The following TMED8 variants were observed in gnomAD, a reference collection of about 807,000 sequenced individuals.
The protein encoded by TMED8 is transmembrane p24 trafficking protein family member 8.
A neutral mutation model predicts 32.7 loss-of-function variants in TMED8; 15 were observed. The ratio of observed to expected loss-of-function variants is 0.46; its 90% confidence interval spans 0.31 to 0.71. The LOEUF (loss-of-function observed/expected upper bound fraction) is 0.71, where lower values mean the gene tolerates loss of function less well. Ranked by LOEUF, TMED8 falls within the 30% of genes least tolerant of loss-of-function variation. TMED8 has a pLI of 0.06. For synonymous variants in TMED8, 147 were observed against 161.4 expected, an observed-to-expected ratio of 0.91 and a Z score of 0.68; for missense variants, 390 against 423.9, an observed-to-expected ratio of 0.92 and a Z score of 0.70.
rs1594834012 is a variant in TMED8 at position 77,336,085 on chromosome 14, C to T, written c.*5686G>A. The T allele has an allele frequency of 6.6e-6, 1 of 152,208 alleles. No homozygotes were observed. Among genetic ancestry groups the T allele is most frequent in the East Asian group, 1.9e-4 (1 of 5,182 alleles). 9.4% of individuals were successfully genotyped at this position (152,208 alleles called of 1,614,324 possible). ...TGAATTAAGGGCTCTTTGGTAATAT[C>T]ATATACTATAATATTTCAAACCAAA... On this transcript the variant is annotated 3_prime_UTR_variant, in exon 6 of 6. Coordinates refer to ENST00000216468, the MANE Select transcript of TMED8 (RefSeq NM_213601.3).
intron 1 of TMED8, among the ~76,000 whole-genome samples, chr14:77,370,263 C>T (rs892995849): frequency 6.6e-6 from 1 of 152,064 alleles, no homozygotes; most frequent in Non-Finnish European, 1.5e-5. Context: ...TTTGGCTTAT[C>T]CTGTCCTTTG....
chr14:77,346,760 GTTTTTTT>G, intron 2 of TMED8, among the ~76,000 whole-genome samples: 14 of 69,458 alleles, frequency 2.0e-4, no homozygotes, highest in East Asian at 2.0e-3. Context: ...TGCTGGTCTG[GTTTTTTT>G]TTTTTTTTTT....
chr14:77,341,467 T>TA lies in TMED8; in HGVS notation c.*303dup, dbSNP rs112514176. On this transcript the variant is annotated 3_prime_UTR_variant, in exon 6 of 6. Coordinates refer to ENST00000216468, the MANE Select transcript of TMED8 (RefSeq NM_213601.3). ...ACCTGTGCCAAGATGAATCTATTTTTAAAAAACATCGCCCTGCTTCCTTTT... is the reference window on the plus strand; with the variant it reads ...ACCTGTGCCAAGATGAATCTATTTTTAAAAAAACATCGCCCTGCTTCCTTTT... 2,945 of 387,010 alleles carry TA rather than the reference T, an allele frequency of 7.6e-3. 69 individuals are homozygous for TA. Among genetic ancestry groups the TA allele is most frequent in the African/African-American group, 0.056 (2,741 of 48,914 alleles). The allele number at this position is 387,010 out of a possible 1,614,324, so 24.0% of individuals were successfully genotyped here. A position where few individuals can be genotyped will look rare whatever the true frequency, so the allele number is the denominator to read the frequency against.
chr14:77,366,426 T>C (rs1008983054), intron 1 of TMED8, among the ~76,000 whole-genome samples: 21 of 152,232 alleles, frequency 1.4e-4, no homozygotes, highest in Non-Finnish European at 8.8e-5. Context: ...ATTCATCTAG[T>C]GGCAGCCAAA....
Position 77,376,981 on chromosome 14 carries a change from C to T in TMED8, c.73G>A (p.Val25Ile). The T allele has an allele frequency of 6.9e-7, 1 of 1,449,052 alleles. No homozygotes were observed. Among genetic ancestry groups the T allele is most frequent in the Admixed American group, 2.7e-5 (1 of 36,524 alleles). The allele number at this position is 1,449,052 out of a possible 1,614,324, so 89.8% of individuals were successfully genotyped here. The change falls in exon 1 of 6, where the codon GTC becomes ATC. Residue 25 changes from valine (V) to isoleucine (I), a missense_variant. Physicochemically the swap from Val to Ile is conservative, Grantham distance 29 (BLOSUM62 3). Transcript: ENST00000216468. The surrounding 1 kb of genome is among the most constrained non-coding windows in gnomAD (Gnocchi z 4.0). ...CCCTCCACTCCCTGGCAGTCCCCGA[C>T]GCCGCCAGCCGACCCTGGGCGGGCT... ...PTARPGSAGG[V>I]GDCQGVEGSQ...
intron 2 of TMED8, among the ~76,000 whole-genome samples, chr14:77,346,984 TTATTAAC>T (rs1321505778): frequency 1.3e-5 from 2 of 152,078 alleles, no homozygotes; most frequent in African/African-American, 2.4e-5. Flanking sequence ...GTATACATTG[TTATTAAC>T]TATTGTCACC....
At chr14:77,347,735 A>G (rs542418568) in intron 2 of TMED8, among the ~76,000 whole-genome samples, 1 of 152,202 alleles carries the variant, frequency 6.6e-6, no homozygotes, top group Non-Finnish European at 1.5e-5. Context: ...ATGCAAGGGA[A>G]TGATTTATGC....
intron 1 of TMED8, among the ~76,000 whole-genome samples, chr14:77,370,171 CAAAAAAAA>C (rs5809828): frequency 4.4e-5 from 6 of 137,926 alleles, no homozygotes; most frequent in South Asian, 2.4e-4. Context: ...GACTCCGTTT[CAAAAAAAA>C]AAAAAAAAAA....
chr14:77,374,580 A>G (rs1237266201), intron 1 of TMED8, among the ~76,000 whole-genome samples: 1 of 152,230 alleles, frequency 6.6e-6, no homozygotes, highest in Admixed American at 6.5e-5. Flanking sequence ...CCCAAGGAAC[A>G]TTCTTGGTTA....
intron 2 of TMED8, among the ~76,000 whole-genome samples, chr14:77,348,153 G>T (rs1471199824): frequency 2.0e-5 from 3 of 151,874 alleles, no homozygotes; most frequent in Non-Finnish European, 4.4e-5. Flanking sequence ...GTAAAAACAT[G>T]TTTTATATAT....
intron 1 of TMED8, among the ~76,000 whole-genome samples, chr14:77,364,341 C>T (rs1442749568): frequency 6.6e-6 from 1 of 152,158 alleles, no homozygotes; most frequent in East Asian, 1.9e-4. Flanking sequence ...GCCTTAACCT[C>T]TCGAGTAGCT....
intron 1 of TMED8, among the ~76,000 whole-genome samples, chr14:77,361,122 G>A (rs1052823198): frequency 6.6e-6 from 1 of 151,934 alleles, no homozygotes; most frequent in African/African-American, 2.4e-5. Flanking sequence ...TGGGATTACA[G>A]GTGCATGCCA....
At chr14:77,365,396 G>A (rs1262499099) in intron 1 of TMED8, among the ~76,000 whole-genome samples, 4 of 152,172 alleles carry the variant, frequency 2.6e-5, no homozygotes, top group Non-Finnish European at 5.9e-5. Context: ...TGCACTAGAT[G>A]TCACAGATAC....
At chr14:77,365,985 A>G (rs867638106) in intron 1 of TMED8, among the ~76,000 whole-genome samples, 1 of 152,362 alleles carries the variant, frequency 6.6e-6, no homozygotes, top group South Asian at 2.1e-4. Flanking sequence ...ATAATTAGAT[A>G]GTCAAATGTG....
At chr14:77,357,899 G>A (rs1893328015) in intron 1 of TMED8, among the ~76,000 whole-genome samples, 1 of 152,058 alleles carries the variant, frequency 6.6e-6, no homozygotes, top group Non-Finnish European at 1.5e-5. Context: ...TGAGGCAGGT[G>A]GATCACCTGA....
intron 4 of TMED8, 96 bp from the exon 5 acceptor site, chr14:77,343,579 T>C: frequency 1.9e-6 from 3 of 1,577,192 alleles, no homozygotes; most frequent in Non-Finnish European, 2.6e-6. Context: ...AGACATTCTT[T>C]CTACTGGCTT....
rs960488138 is a variant in TMED8 at position 77,336,560 on chromosome 14, A to C, written c.*5211T>G. On this transcript the variant is annotated 3_prime_UTR_variant, in exon 6 of 6. Transcript: ENST00000216468. Reference sequence around the variant, plus strand: ...TTCTTGGTTTAGGCAGGGACAATGCAACACTTGAGAGGCAGCAGTGATTTC... The same window carrying C: ...TTCTTGGTTTAGGCAGGGACAATGCCACACTTGAGAGGCAGCAGTGATTTC... 1 of 152,198 alleles carries C rather than the reference A, an allele frequency of 6.6e-6. No individual in the cohort carries two copies. Among genetic ancestry groups the C allele is most frequent in the African/African-American group, 2.4e-5 (1 of 41,448 alleles). 9.4% of individuals were successfully genotyped at this position (152,198 alleles called of 1,614,324 possible).
intron 2 of TMED8, among the ~76,000 whole-genome samples, chr14:77,348,340 A>G (rs1594842705): frequency 6.6e-6 from 1 of 151,170 alleles, no homozygotes; most frequent in Admixed American, 6.6e-5. Context: ...CTCCTGCCTC[A>G]CCCTCCCGAG....
chr14:77,355,726 T>C (rs1893275904), intron 1 of TMED8, among the ~76,000 whole-genome samples: 1 of 152,174 alleles, frequency 6.6e-6, no homozygotes, highest in African/African-American at 2.4e-5. Flanking sequence ...ATCTACAACA[T>C]TTTCTTAAGA....
Sources: gnomAD v4.1 joint callset for allele counts (sites outside exome capture counted in the v4.1 genomes callset) on GRCh38, gnomAD v4.1.1 for gene constraint, Gnocchi (gnomAD v3.1) non-coding constraint, MANE v1.5 for transcripts, NCBI Gene and HGNC (gene_info 2026-07-23, HGNC 2026-07-21) for gene names.